The following RABGAP1L variants were observed in gnomAD, a reference collection of about 807,000 sequenced individuals.
RABGAP1L encodes the protein rab GTPase-activating protein 1-like.
RABGAP1L carries 63 observed loss-of-function variants against 137.7 expected under a neutral mutation model. The observed-to-expected ratio is 0.46, with a 90% CI of 0.37 to 0.56. The LOEUF (loss-of-function observed/expected upper bound fraction) is 0.56, where lower values mean the gene tolerates loss of function less well. Among genes scored for constraint, RABGAP1L ranks in the 20% least tolerant of loss-of-function variants. RABGAP1L has a pLI of 0.00. For missense variants in RABGAP1L, 1,095 were observed against 1,244.0 expected, an observed-to-expected ratio of 0.88 and a Z score of 1.80; for synonymous variants, 431 against 433.7, an observed-to-expected ratio of 0.99 and a Z score of 0.08.
At chr1:174,617,997 C>T (rs772225616) in intron 13 of RABGAP1L, among the ~76,000 whole-genome samples, 17 of 152,220 alleles carry the variant, frequency 1.1e-4, no homozygotes, top group Non-Finnish European at 2.4e-4. Context: ...TAGATTATAG[C>T]CCGCGCCTGG....
At chr1:174,685,548 G>A (rs1020045768) in intron 15 of RABGAP1L, among the ~76,000 whole-genome samples, 13 of 90,024 alleles carry the variant, frequency 1.4e-4, no homozygotes, top group African/African-American at 7.6e-4. Context: ...CCACCGCGCC[G>A]GCCTTTATTT....
At position 174,637,499 on chromosome 1, in the gene RABGAP1L, C is replaced by A. The variant is rs745439218; in HGVS notation, c.1824+11C>A. The stretch of plus-strand genomic sequence containing the variant: ...TATAAGATCTGCAAGGTAGGACTCT[C>A]TTCCTCACTTTTTCTAAATTATTTT... On this transcript the variant is annotated intron_variant, in intron 14 of 25. Coordinates refer to ENST00000681986, the MANE Select transcript of RABGAP1L (RefSeq NM_001366446.1). 1 of 1,532,762 alleles carries A rather than the reference C, an allele frequency of 6.5e-7. No homozygotes were observed. The highest frequency in any genetic ancestry group is 9.0e-7 in the Non-Finnish European group (1 of 1,110,784). 94.9% of individuals were successfully genotyped at this position (1,532,762 alleles called of 1,614,324 possible). A position where few individuals can be genotyped will look rare whatever the true frequency, so the allele number is the denominator to read the frequency against.
chr1:174,596,737 G>C (rs577054669), intron 13 of RABGAP1L, among the ~76,000 whole-genome samples: 2 of 152,056 alleles, frequency 1.3e-5, no homozygotes, highest in Non-Finnish European at 2.9e-5. Context: ...CTTTAGCTAG[G>C]ATTTCCAGGA....
At chr1:174,657,830 G>A (rs187871517) in intron 14 of RABGAP1L, among the ~76,000 whole-genome samples, 267 of 152,130 alleles carry the variant, frequency 1.8e-3, no homozygotes, top group Non-Finnish European at 3.1e-3. Flanking sequence ...TTGTGTAGTC[G>A]TTTGCCCCAA....
intron 13 of RABGAP1L, among the ~76,000 whole-genome samples, chr1:174,557,320 G>T (rs959384176): frequency 2.0e-5 from 3 of 152,160 alleles, no homozygotes; most frequent in African/African-American, 7.2e-5. Flanking sequence ...GTATCTGCTG[G>T]ATACAAATAT....
At chr1:174,215,964 AAAG>A (rs1202111899) in intron 1 of RABGAP1L, among the ~76,000 whole-genome samples, 2 of 152,242 alleles carry the variant, frequency 1.3e-5, no homozygotes, top group South Asian at 2.1e-4. Context: ...ATTCAGCCAT[AAAG>A]AAGAAGGAGA....
intron 13 of RABGAP1L, among the ~76,000 whole-genome samples, chr1:174,531,523 G>A (rs750434272): frequency 4.6e-4 from 70 of 152,092 alleles, no homozygotes; most frequent in Non-Finnish European, 8.8e-4. Context: ...AAATGAAAGG[G>A]CACACTAGTT....
intron 17 of RABGAP1L, among the ~76,000 whole-genome samples, chr1:174,734,953 TC>T (rs1160368964): frequency 7.1e-5 from 10 of 140,962 alleles, no homozygotes; most frequent in African/African-American, 2.7e-4. Flanking sequence ...AGGATCTCTC[TC>T]TTTTTTTTTT....
At chr1:174,224,826 T>C (rs963336728) in intron 3 of RABGAP1L, among the ~76,000 whole-genome samples, 1 of 152,206 alleles carries the variant, frequency 6.6e-6, no homozygotes, top group African/African-American at 2.4e-5. Flanking sequence ...CTGAAGGGAT[T>C]TGAATCATTG....
At chr1:174,579,864 C>T (rs184708470) in intron 13 of RABGAP1L, among the ~76,000 whole-genome samples, 155 of 152,284 alleles carry the variant, frequency 1.0e-3, no homozygotes, top group African/African-American at 3.4e-3. Context: ...CAGGTTCAAG[C>T]AATTCTCCTG....
intron 19 of RABGAP1L, among the ~76,000 whole-genome samples, chr1:174,903,753 C>G (rs1658531807): frequency 6.6e-6 from 1 of 151,950 alleles, no homozygotes; most frequent in African/African-American, 2.4e-5. Context: ...GAATTTGAGA[C>G]CAGCCTGACC....
At chr1:174,775,486 TG>T (rs2148743972) in intron 18 of RABGAP1L, among the ~76,000 whole-genome samples, 1 of 152,188 alleles carries the variant, frequency 6.6e-6, no homozygotes, top group East Asian at 1.9e-4. Flanking sequence ...GCTAATTTTG[TG>T]TTTTTAGTAG....
chr1:174,968,671 A>C (rs1327313605), intron 20 of RABGAP1L, among the ~76,000 whole-genome samples: 6 of 152,180 alleles, frequency 3.9e-5, no homozygotes, highest in Admixed American at 2.6e-4. Context: ...AAAACTAGAT[A>C]TCTTATGACT....
rs375629946 is a variant in RABGAP1L at position 174,306,232 on chromosome 1, C to T, written c.1465+1105C>T. ...TAGTGCTGCAATAAACGTACGTGTG[C>T]ACGTGTCTTTATAGCAGCATGATTT... On this transcript the variant is annotated intron_variant, in intron 11 of 25. Transcript: ENST00000681986. Among the ~76,000 whole-genome samples, 6 of 152,282 alleles carry T rather than the reference C, an allele frequency of 3.9e-5. No individual in the cohort carries two copies. In the South Asian group the frequency reaches 6.2e-4, roughly 16 times the overall value.
chr1:174,162,777 G>GTTTTTTTTTTTTTTTTTT (rs67811794), intron 1 of RABGAP1L, among the ~76,000 whole-genome samples: 2 of 51,556 alleles, frequency 3.9e-5, no homozygotes, highest in Non-Finnish European at 6.7e-5. Flanking sequence ...TTCTCTTTCT[G>GTTTTTTTTTTTTTTTTTT]TTTTTTTTTT....
At chr1:174,648,171 G>T (rs1557947128) in intron 14 of RABGAP1L, among the ~76,000 whole-genome samples, 1 of 151,406 alleles carries the variant, frequency 6.6e-6, no homozygotes, top group Non-Finnish European at 1.5e-5. Flanking sequence ...GATTCATTGA[G>T]TTTTTTTTGA....
At chr1:174,196,575 CT>C (rs746727810) in intron 1 of RABGAP1L, among the ~76,000 whole-genome samples, 199 of 140,438 alleles carry the variant, frequency 1.4e-3, no homozygotes, top group Middle Eastern at 7.6e-3. Flanking sequence ...AATCTTTTTT[CT>C]TTTTTTTTTT....
intron 19 of RABGAP1L, among the ~76,000 whole-genome samples, chr1:174,894,420 G>C (rs1221761406): frequency 6.6e-6 from 1 of 152,154 alleles, no homozygotes; most frequent in East Asian, 1.9e-4. Flanking sequence ...TCAAAGATTT[G>C]AGAAACAAGG....
chr1:174,638,200 A>T (rs567668631), intron 14 of RABGAP1L, among the ~76,000 whole-genome samples: 1 of 152,340 alleles, frequency 6.6e-6, no homozygotes, highest in African/African-American at 2.4e-5. Context: ...TGGTAATAAT[A>T]TGGAGAAAAA....
Sources: allele counts gnomAD v4.1 joint callset (sites outside exome capture counted in the v4.1 genomes callset), GRCh38; gene constraint gnomAD v4.1.1; transcripts MANE v1.5; gene names NCBI Gene and HGNC (gene_info 2026-07-23, HGNC 2026-07-21).